The following RASL10A variants were observed in gnomAD, a reference collection of about 807,000 sequenced individuals.
RASL10A encodes RAS like family 10 member A.
RASL10A carries 13 observed loss-of-function variants against 17.3 expected under a neutral mutation model. That is an observed-to-expected ratio of 0.75 (90% CI 0.49 to 1.20). The LOEUF (loss-of-function observed/expected upper bound fraction) is 1.20, where lower values mean the gene tolerates loss of function less well. Ranked by LOEUF, RASL10A falls within the 50% of genes most tolerant of loss-of-function variation. The pLI is 0.00. For synonymous variants in RASL10A, 159 were observed against 142.2 expected (o/e 1.12, Z -0.84); for missense variants, 307 against 310.3 (o/e 0.99, Z 0.08).
Position 29,313,063 on chromosome 22 carries a change from G to A in RASL10A, c.*238C>T, listed in dbSNP as rs1421241996. On this transcript the variant is annotated 3_prime_UTR_variant, in exon 3 of 3. Coordinates refer to ENST00000216101, the MANE Select transcript of RASL10A (RefSeq NM_006477.5). Reference sequence around the variant, plus strand: ...AGTCCTTTCCATCCAATGGGATTGTGACCCATTGAGGTCCCAGAAAGGACT... The same window carrying A: ...AGTCCTTTCCATCCAATGGGATTGTAACCCATTGAGGTCCCAGAAAGGACT... 2 of 464,520 alleles carry A rather than the reference G, an allele frequency of 4.3e-6. No homozygotes were observed. The highest frequency in any genetic ancestry group is 4.1e-5 in the African/African-American group (2 of 49,230). The allele number at this position is 464,520 out of a possible 1,614,324, so 28.8% of individuals were successfully genotyped here.
chr22:29,317,111 A>G (rs2061457974), upstream of RASL10A: 1 of 152,240 alleles, frequency 6.6e-6, no homozygotes, highest in Non-Finnish European at 1.5e-5. Flanking sequence ...GGAAGCTCAG[A>G]ACCACCTCTG....
intron 1 of RASL10A, among the ~76,000 whole-genome samples, chr22:29,314,743 C>G (rs1203140549): frequency 1.3e-5 from 2 of 152,174 alleles, no homozygotes; most frequent in Non-Finnish European, 2.9e-5. Flanking sequence ...CCGTTATGCA[C>G]CACCAAGAGC....
In RASL10A at chr22:29,315,103, G is replaced by C; in HGVS notation, c.144C>G (p.Leu48=). The change falls in exon 1 of 3, where the codon CTC becomes CTG. Residue 48 remains leucine, a synonymous_variant. Transcript: ENST00000216101. The surrounding 1 kb of genome is among the most constrained non-coding windows in gnomAD (Gnocchi z 5.5). ...GPRLYRPAVL[L]DGAVYDLSIR... ...TGCTCAAGTCGTAGACGGCGCCGTC[G>C]AGCAGCACCGCGGGTCGGTAGAGGC... The C allele has an allele frequency of 6.5e-7, 1 of 1,529,514 alleles. No individual in the cohort carries two copies. Among genetic ancestry groups the C allele is most frequent in the Non-Finnish European group, 8.8e-7 (1 of 1,142,302 alleles). The allele number at this position is 1,529,514 out of a possible 1,614,324, so 94.7% of individuals were successfully genotyped here. A position where few individuals can be genotyped will look rare whatever the true frequency, so the allele number is the denominator to read the frequency against.
upstream of RASL10A, chr22:29,317,015 G>T (rs1335489979): frequency 6.6e-6 from 1 of 152,218 alleles, no homozygotes; most frequent in African/African-American, 2.4e-5. Context: ...CAACCAGAAA[G>T]TGTCTCCAGA....
rs2061427804 is a variant in RASL10A at position 29,313,032 on chromosome 22, T to C, written c.*269A>G. 1 of 419,180 alleles carries C rather than the reference T, an allele frequency of 2.4e-6. No homozygotes were observed. Among genetic ancestry groups the C allele is most frequent in the Non-Finnish European group, 4.2e-6 (1 of 240,198 alleles). 26.0% of individuals were successfully genotyped at this position (419,180 alleles called of 1,614,324 possible). On this transcript the variant is annotated 3_prime_UTR_variant, in exon 3 of 3. Coordinates refer to ENST00000216101, the MANE Select transcript of RASL10A (RefSeq NM_006477.5). ...GGCTGCGTGTTTCCAGTCAAGTTCA[T>C]AGCCAAGTCCTTTCCATCCAATGGG...
chr22:29,317,829 C>T (rs988209008), upstream of RASL10A, among the ~76,000 whole-genome samples: 19 of 152,204 alleles, frequency 1.2e-4, no homozygotes, highest in African/African-American at 4.6e-4. Flanking sequence ...GGACTACAGG[C>T]ACATGCCACC....
At chr22:29,318,270 C>T (rs1009577932), upstream of RASL10A, among the ~76,000 whole-genome samples, 13 of 152,320 alleles carry the variant, frequency 8.5e-5, no homozygotes, top group African/African-American at 3.1e-4. Context: ...CAAGGGCCTG[C>T]GATGTGCCAA....
At position 29,315,386 on chromosome 22, in the gene RASL10A, C is replaced by G. The variant is rs2061447807; in HGVS notation, c.-140G>C. The G allele has an allele frequency of 2.2e-6, 1 of 465,082 alleles. No individual in the cohort carries two copies. Among genetic ancestry groups the G allele is most frequent in the Admixed American group, 4.9e-5 (1 of 20,306 alleles). 28.8% of individuals were successfully genotyped at this position (465,082 alleles called of 1,614,324 possible). ...CGCTTCTCGTCGCCCCTCGGAGCAC[C>G]GAGACCGGAGAGGGCAGGCCCGAGG... On this transcript the variant is annotated 5_prime_UTR_variant, in exon 1 of 3. Coordinates refer to ENST00000216101, the MANE Select transcript of RASL10A (RefSeq NM_006477.5). The surrounding 1 kb of genome is among the most constrained non-coding windows in gnomAD (Gnocchi z 5.5).
In RASL10A at chr22:29,313,484, C is replaced by G. The variant is rs767318533; in HGVS notation, c.429G>C (p.Ala143=). Residue 143 remains alanine (A), a synonymous_variant, in exon 3 of 3, where the codon GCG becomes GCC. Coordinates refer to ENST00000216101, the MANE Select transcript of RASL10A (RefSeq NM_006477.5). ...AGCCCCTGCGCACTAGGGCGGCCAG[C>G]GCGCGCCGCGGTCCGAAGCGCAGCC... ...RQRLRFGPRR[A]LAALVRRGWR... 4.8e-5 allele frequency: 75 copies of G among 1,554,664 alleles called. No homozygotes were observed. The highest frequency in any genetic ancestry group is 3.7e-4 in the Admixed American group (20 of 53,446).
At chr22:29,318,736 G>A (rs766534143), upstream of RASL10A, among the ~76,000 whole-genome samples, 7 of 152,172 alleles carry the variant, frequency 4.6e-5, no homozygotes, top group Non-Finnish European at 8.8e-5. Flanking sequence ...TATTCCCCAG[G>A]GGCCTCCTGG....
chr22:29,314,846 G>A (rs1255283498), intron 1 of RASL10A, among the ~76,000 whole-genome samples, 182 bp downstream of exon 1: 6 of 152,210 alleles, frequency 3.9e-5, no homozygotes, highest in Non-Finnish European at 8.8e-5. Flanking sequence ...CTCCAGCCTG[G>A]GCTTGGGCGT....
At position 29,315,311 on chromosome 22, in the gene RASL10A, C is replaced by A; in HGVS notation, c.-65G>T. On this transcript the variant is annotated 5_prime_UTR_variant, in exon 1 of 3. Coordinates refer to ENST00000216101, the MANE Select transcript of RASL10A (RefSeq NM_006477.5). The surrounding 1 kb of genome is among the most constrained non-coding windows in gnomAD (Gnocchi z 5.5). ...ATGGGCCGGCGCCGCACCGTGCGCCCCCAGGCCGTGCGCCCCGCGCGCCCT... is the reference window on the plus strand; with the variant it reads ...ATGGGCCGGCGCCGCACCGTGCGCCACCAGGCCGTGCGCCCCGCGCGCCCT... 1 of 1,142,020 alleles carries A rather than the reference C, an allele frequency of 8.8e-7. No homozygotes were observed. The highest frequency in any genetic ancestry group is 3.7e-5 in the South Asian group (1 of 27,070). The allele number at this position is 1,142,020 out of a possible 1,614,324, so 70.7% of individuals were successfully genotyped here.
At position 29,315,154 on chromosome 22, in the gene RASL10A, C is replaced by A. The variant is rs1275940472; in HGVS notation, c.93G>T (p.Glu31Asp). 48 of 1,536,640 alleles carry A rather than the reference C, an allele frequency of 3.1e-5. No individual in the cohort carries two copies. Among genetic ancestry groups the A allele is most frequent in the Non-Finnish European group, 4.0e-5 (46 of 1,147,794 alleles). The change falls in exon 1 of 3, where the codon GAG becomes GAT. Residue 31 changes from glutamate (E) to aspartate (D), a missense_variant. Transcript: ENST00000216101. The surrounding 1 kb of genome is among the most constrained non-coding windows in gnomAD (Gnocchi z 5.5). ...IRQFLFGDYP[E>D]RHRPTDGPRL... is the part of the protein sequence containing the mutation. ...GCGGCCCGTCCGTGGGCCGGTGGCG[C>A]TCGGGGTAGTCACCGAACAGGAACT...
At position 29,315,618 on chromosome 22, in the gene RASL10A, G is replaced by A. The variant is rs940325360; in HGVS notation, c.-372C>T. 1.9e-5 allele frequency: 3 copies of A among 154,884 alleles called. No homozygotes were observed. The highest frequency in any genetic ancestry group is 4.3e-5 in the Non-Finnish European group (3 of 70,004). 9.6% of individuals were successfully genotyped at this position (154,884 alleles called of 1,614,324 possible). ...CCCCTCTCGCGGCGCGGGTCCCGCA[G>A]CGGTGCGGGGCGCGGGGGGCAGCGC... On this transcript the variant is annotated 5_prime_UTR_variant, in exon 1 of 3. Coordinates refer to ENST00000216101, the MANE Select transcript of RASL10A (RefSeq NM_006477.5). This position sits in a 1 kb window ranked among gnomAD's most constrained non-coding sequence, Gnocchi z 5.5.
chr22:29,315,380 G>A lies in RASL10A; in HGVS notation c.-134C>T. On this transcript the variant is annotated 5_prime_UTR_variant, in exon 1 of 3. Transcript: ENST00000216101. This position sits in a 1 kb window ranked among gnomAD's most constrained non-coding sequence, Gnocchi z 5.5. ...CCGTCGCGCTTCTCGTCGCCCCTCG[G>A]AGCACCGAGACCGGAGAGGGCAGGC... 1 of 487,006 alleles carries A rather than the reference G, an allele frequency of 2.1e-6. No homozygotes were observed. Among genetic ancestry groups the A allele is most frequent in the Non-Finnish European group, 3.0e-6 (1 of 328,460 alleles). 30.2% of individuals were successfully genotyped at this position (487,006 alleles called of 1,614,324 possible).
In RASL10A at chr22:29,313,132, G is replaced by C. The variant is rs971429253; in HGVS notation, c.*169C>G. The C allele has an allele frequency of 3.1e-6, 3 of 953,058 alleles. No individual in the cohort carries two copies. Among genetic ancestry groups the C allele is most frequent in the Admixed American group, 7.0e-5 (2 of 28,504 alleles). 59.0% of individuals were successfully genotyped at this position (953,058 alleles called of 1,614,324 possible). The stretch of plus-strand genomic sequence containing the variant: ...TTGGGACCTGGTTGGGTCCAATGAG[G>C]TTCAAAAGGGGGCCAGTCGCTTAGG... On this transcript the variant is annotated 3_prime_UTR_variant, in exon 3 of 3. Transcript: ENST00000216101.
intron 1 of RASL10A, among the ~76,000 whole-genome samples, chr22:29,314,683 T>C (rs553944122): frequency 6.6e-6 from 1 of 152,208 alleles, no homozygotes; most frequent in South Asian, 2.1e-4. Context: ...TCTCCCATTG[T>C]AGCTCTGCTC....
In RASL10A at chr22:29,313,866, G is replaced by T; in HGVS notation, c.341C>A (p.Thr114Asn). ...VKALRQRIAE[T>N]RPAGAPEAPI... ...GCCAGAACTGCCGGGCCCCTACCTG[G>T]TCTCCGCGATGCGCTGCCGCAGGGC... The change falls in exon 2 of 3, where the codon ACC becomes AAC. Residue 114 changes from threonine to asparagine, a missense_variant. Transcript: ENST00000216101. The T allele has an allele frequency of 6.2e-7, 1 of 1,613,362 alleles. No individual in the cohort carries two copies. Among genetic ancestry groups the T allele is most frequent in the Admixed American group, 1.7e-5 (1 of 60,022 alleles).
In RASL10A at chr22:29,315,185, A is replaced by AT. The variant is rs748409696; in HGVS notation, c.61dup (p.Ile21AsnfsTer8). 6.5e-7 allele frequency: 1 copy of AT among 1,540,424 alleles called. No homozygotes were observed. Among genetic ancestry groups the AT allele is most frequent in the Non-Finnish European group, 8.7e-7 (1 of 1,150,744 alleles). On this transcript the variant is annotated frameshift_variant, in exon 1 of 3. Transcript: ENST00000216101. LOFTEE classifies it high-confidence loss of function. This position sits in a 1 kb window ranked among gnomAD's most constrained non-coding sequence, Gnocchi z 5.5. ...GTAGTCACCGAACAGGAACTGGCGGATGATGGCCGTCTTGCCCACGCCCGG... is the reference window on the plus strand; with the variant it reads ...GTAGTCACCGAACAGGAACTGGCGGATTGATGGCCGTCTTGCCCACGCCCGG...
Sources: allele counts gnomAD v4.1 joint callset (sites outside exome capture counted in the v4.1 genomes callset), GRCh38; gene constraint gnomAD v4.1.1; non-coding constraint Gnocchi (gnomAD v3.1); transcripts MANE v1.5; gene names NCBI Gene and HGNC (gene_info 2026-07-23, HGNC 2026-07-21).